Variants in VPS53 observed in about 807,000 individuals in gnomAD.
VPS53 encodes vacuolar protein sorting-associated protein 53 homolog.
VPS53 carries 70 observed loss-of-function variants against 107.0 expected under a neutral mutation model. That is an observed-to-expected ratio of 0.65 (90% CI 0.54 to 0.80). VPS53 has a LOEUF of 0.80. VPS53 is among the 30% of genes least tolerant of loss of function. VPS53 has a pLI of 0.00. For synonymous variants in VPS53, 409 were observed against 393.3 expected (o/e 1.04, Z -0.47); for missense variants, 917 against 1,049.4 (o/e 0.87, Z 1.74).
intron 4 of VPS53, among the ~76,000 whole-genome samples, chr17:678,885 C>T (rs1425140114): frequency 6.6e-6 from 1 of 151,906 alleles, no homozygotes; most frequent in Non-Finnish European, 1.5e-5. Flanking sequence ...GTGATCTGCC[C>T]GCCTCGGCCT....
At chr17:703,223 T>A (rs557834901) in intron 2 of VPS53, among the ~76,000 whole-genome samples, 1 of 152,196 alleles carries the variant, frequency 6.6e-6, no homozygotes, top group South Asian at 2.1e-4. Context: ...AAAAAACAGA[T>A]GGGAAACGTG....
chr17:678,618 C>T (rs975313932), intron 4 of VPS53, among the ~76,000 whole-genome samples: 1 of 150,432 alleles, frequency 6.6e-6, no homozygotes, highest in Non-Finnish European at 1.5e-5. Flanking sequence ...AGGCATGTGC[C>T]ACCACTCCTG....
rs1045084768 is a variant in VPS53, at chr17:553,341, A to G, written c.1787+39T>C. On this transcript the variant is annotated intron_variant, in intron 16 of 21. Transcript: ENST00000437048. The stretch of plus-strand genomic sequence containing the variant: ...TGCTGCACGCTGCTGTGTAGTGGAG[A>G]AAGGGCAGGCAGCCAGTAAGTGTGT... 6.3e-6 allele frequency: 10 copies of G among 1,597,688 alleles called. No homozygotes were observed. In the Admixed American group the frequency reaches 8.4e-5, roughly 13 times the overall value.
chr17:585,275 T>C (rs2143000083), intron 13 of VPS53, among the ~76,000 whole-genome samples: 1 of 152,292 alleles, frequency 6.6e-6, no homozygotes, highest in South Asian at 2.1e-4. Flanking sequence ...TGCCCAAAAT[T>C]GATTTCATCA....
rs568694720 is a variant in VPS53 at position 703,145 on chromosome 17, G to C, written c.169-3765C>G. On this transcript the variant is annotated intron_variant, in intron 2 of 21. Coordinates refer to ENST00000437048, the MANE Select transcript of VPS53 (RefSeq NM_001128159.3). ...GATCGCTTGAGCCTGGGAGGCAGAG[G>C]TTGCAGCGAGCCGAGATCACACCAC... Among the ~76,000 whole-genome samples, 331 of 151,278 alleles carry C rather than the reference G, an allele frequency of 2.2e-3. 1 individual carries two copies. Among genetic ancestry groups the C allele is most frequent in the African/African-American group, 6.8e-3 (280 of 40,992 alleles).
At chr17:553,337 G>A (rs1157911073) in intron 16 of VPS53, 43 bp downstream of exon 16, 2 of 1,586,708 alleles carry the variant, frequency 1.3e-6, no homozygotes, top group South Asian at 1.1e-5. Flanking sequence ...GCTGTGTAGT[G>A]GAGAAAGGGC....
Position 515,956 on chromosome 17 carries a change from C to CTTTTTTTTTTTTTTT in VPS53, c.*3157_*3171dup, listed in dbSNP as rs11361535. ...ATTACAGGCACCCGCCACCTGCCTG[C>CTTTTTTTTTTTTTTT]TTTTTTTTTTTTTTTTTTTGTATTT... On this transcript the variant is annotated 3_prime_UTR_variant, in exon 22 of 22. Transcript: ENST00000437048. The CTTTTTTTTTTTTTTT allele has an allele frequency of 2.2e-3, 242 of 109,554 alleles. 1 individual carries two copies. Among genetic ancestry groups the CTTTTTTTTTTTTTTT allele is most frequent in the East Asian group, 8.5e-3 (28 of 3,298 alleles). The allele number at this position is 109,554 out of a possible 1,614,324, so 6.8% of individuals were successfully genotyped here. A position where few individuals can be genotyped will look rare whatever the true frequency, so the allele number is the denominator to read the frequency against.
At chr17:679,271 A>C (rs1406575906) in intron 4 of VPS53, among the ~76,000 whole-genome samples, 1 of 151,784 alleles carries the variant, frequency 6.6e-6, no homozygotes, top group Non-Finnish European at 1.5e-5. Context: ...ATCCCAGCAC[A>C]TTGGGAGGCC....
intron 10 of VPS53, among the ~76,000 whole-genome samples, chr17:626,958 T>C (rs1055949803): frequency 3.3e-5 from 5 of 152,198 alleles, no homozygotes; most frequent in Middle Eastern, 3.4e-3. Flanking sequence ...TAGAGATGGC[T>C]TGAGGCAAGA....
intron 13 of VPS53, among the ~76,000 whole-genome samples, chr17:564,937 T>C (rs936445430): frequency 1.3e-5 from 2 of 152,162 alleles, no homozygotes; most frequent in African/African-American, 4.8e-5. Flanking sequence ...TTCCCACCAC[T>C]CCTGACATGT....
chr17:693,205 T>A (rs573216417), intron 4 of VPS53, among the ~76,000 whole-genome samples: 4 of 152,298 alleles, frequency 2.6e-5, no homozygotes, highest in Non-Finnish European at 5.9e-5. Flanking sequence ...TCTCGGCTAT[T>A]ACATACAGCT....
chr17:702,632 C>G (rs1273232648), intron 2 of VPS53, among the ~76,000 whole-genome samples: 1 of 152,020 alleles, frequency 6.6e-6, no homozygotes, highest in Non-Finnish European at 1.5e-5. Flanking sequence ...CGCCACTGCA[C>G]TCCAGCCTGG....
chr17:642,532 G>C (rs77253182), intron 7 of VPS53, among the ~76,000 whole-genome samples: 8 of 144,462 alleles, frequency 5.5e-5, no homozygotes, highest in African/African-American at 5.1e-5. Flanking sequence ...TACTTGGAAA[G>C]CGAGGACAAC....
intron 7 of VPS53, among the ~76,000 whole-genome samples, chr17:647,206 C>T (rs186404631): frequency 6.6e-6 from 1 of 152,170 alleles, no homozygotes; most frequent in African/African-American, 2.4e-5. Flanking sequence ...TTGTCTATGA[C>T]CCCTGCCCTC....
intron 5 of VPS53, chr17:656,792 T>C: frequency 1.4e-6 from 2 of 1,428,538 alleles, no homozygotes; most frequent in Non-Finnish European, 2.0e-6. Flanking sequence ...CCACGGACCA[T>C]TTCACCCGCT....
At chr17:657,620 G>C (rs910252157) in intron 5 of VPS53, 8 of 638,842 alleles carry the variant, frequency 1.3e-5, no homozygotes, top group Non-Finnish European at 2.3e-5. Flanking sequence ...ATAGCAATTT[G>C]GTTGCCCAGG....
At chr17:700,769 A>C (rs1973167545) in intron 2 of VPS53, among the ~76,000 whole-genome samples, 1 of 152,214 alleles carries the variant, frequency 6.6e-6, no homozygotes, top group Admixed American at 6.5e-5. Context: ...ATACAATTTA[A>C]TAAATCCTCT....
At chr17:602,515 T>A (rs924206264) in intron 11 of VPS53, among the ~76,000 whole-genome samples, 2 of 152,112 alleles carry the variant, frequency 1.3e-5, no homozygotes, top group East Asian at 3.9e-4. Flanking sequence ...CTTGAGAAAA[T>A]CGACTTCTCA....
At chr17:578,333 G>A (rs776196156) in intron 13 of VPS53, among the ~76,000 whole-genome samples, 5 of 149,316 alleles carry the variant, frequency 3.3e-5, no homozygotes, top group Non-Finnish European at 7.4e-5. Context: ...AATTTAATGC[G>A]TTCCCAGAGA....
Sources: allele counts gnomAD v4.1 joint callset (sites outside exome capture counted in the v4.1 genomes callset), GRCh38; gene constraint gnomAD v4.1.1; transcripts MANE v1.5; gene names NCBI Gene and HGNC (gene_info 2026-07-23, HGNC 2026-07-21).